Variants in PCDH15 observed in about 807,000 individuals in gnomAD.
PCDH15 encodes the protein protocadherin-15.
PCDH15 carries 129 observed loss-of-function variants against 178.5 expected under a neutral mutation model. The observed-to-expected ratio is 0.72, with a 90% CI of 0.63 to 0.84. The LOEUF (loss-of-function observed/expected upper bound fraction) is 0.84. Ranked by LOEUF, PCDH15 falls within the 40% of genes least tolerant of loss-of-function variation. The probability of loss-of-function intolerance (pLI) is 0.00; values close to 1 mark genes in which losing one functional copy is unlikely to be tolerated. For missense variants in PCDH15, 2,230 were observed against 2,099.9 expected, an observed-to-expected ratio of 1.06 and a Z score of -1.21; for synonymous variants, 800 against 732.0, an observed-to-expected ratio of 1.09 and a Z score of -1.50.
At chr10:55,090,240 T>G (rs1170764032) in intron 2 of PCDH15, among the ~76,000 whole-genome samples, 1 of 152,066 alleles carries the variant, frequency 6.6e-6, no homozygotes, top group East Asian at 1.9e-4. Context: ...TAAATTTTTA[T>G]TAGTTACTGG....
rs1839738878 is a variant in PCDH15 at position 55,463,901 on chromosome 10, GAAAGAAAGAAAGAAAGAA to G, written c.-156+163706_-156+163723del. On this transcript the variant is annotated intron_variant, in intron 2 of 5. Coordinates refer to the PCDH15 transcript ENST00000613346. Reference sequence around the variant, plus strand: ...AGAGAGAAAGAGAGGGAGAGAGAGAGAAAGAAAGAAAGAAAGAAAGAAAGAAAGAAAGAAAGAAAGAAA... The same window carrying G: ...AGAGAGAAAGAGAGGGAGAGAGAGAGAGAAAGAAAGAAAGAAAGAAAGAAA... Among the ~76,000 whole-genome samples, 11 of 10,006 alleles carry G rather than the reference GAAAGAAAGAAAGAAAGAA, an allele frequency of 1.1e-3. 1 individual carries two copies. The highest frequency in any genetic ancestry group is 2.3e-3 in the African/African-American group (11 of 4,718). The allele number at this position is 10,006 out of a possible 152,430, so 6.6% of individuals were successfully genotyped here. A position where few individuals can be genotyped will look rare whatever the true frequency, so the allele number is the denominator to read the frequency against.
chr10:53,967,692 A>G (rs1337588639), intron 21 of PCDH15, among the ~76,000 whole-genome samples: 2 of 152,174 alleles, frequency 1.3e-5, no homozygotes, highest in African/African-American at 2.4e-5. Context: ...ACTTCAAATA[A>G]TCATATTTTT....
At chr10:54,154,018 C>T (rs919935795) in intron 13 of PCDH15, among the ~76,000 whole-genome samples, 4 of 152,056 alleles carry the variant, frequency 2.6e-5, no homozygotes, top group Admixed American at 2.6e-4. Flanking sequence ...TCTGTATAGC[C>T]AATTTACATA....
rs186944084 is a variant in PCDH15, at chr10:55,012,552, A to G, written c.-79-115052T>C. Among the ~76,000 whole-genome samples the G allele has an allele frequency of 1.8e-3, 273 of 152,224 alleles. 1 individual carries two copies. The highest frequency in any genetic ancestry group is 6.5e-3 in the African/African-American group (270 of 41,570). ...CTACAGTGCCCAGTGAAAACATTCCACATCAAGGTCATCAAATGTCTTCTG... is the reference window on the plus strand; with the variant it reads ...CTACAGTGCCCAGTGAAAACATTCCGCATCAAGGTCATCAAATGTCTTCTG... On this transcript the variant is annotated intron_variant, in intron 2 of 5. Coordinates refer to the PCDH15 transcript ENST00000458638.
chr10:54,392,468 C>CAAA lies in PCDH15; in HGVS notation c.158-13529_158-13527dup, dbSNP rs71007849. On this transcript the variant is annotated intron_variant, in intron 3 of 37. Transcript: ENST00000644397. ...CTTGGGTGACAGAGTGAGGCTGTCT[C>CAAA]AAAAAAAAAAAAAAAAAAAAAAAAA... Among the ~76,000 whole-genome samples the CAAA allele has an allele frequency of 2.9e-3, 190 of 65,740 alleles. 5 individuals carry two copies. The highest frequency in any genetic ancestry group is 5.0e-3 in the East Asian group (9 of 1,804). 43.1% of individuals were successfully genotyped at this position (65,740 alleles called of 152,430 possible). A position where few individuals can be genotyped will look rare whatever the true frequency, so the allele number is the denominator to read the frequency against.
chr10:54,158,300 A>C (rs2045360392), intron 13 of PCDH15, among the ~76,000 whole-genome samples: 1 of 152,200 alleles, frequency 6.6e-6, no homozygotes. Flanking sequence ...CAATCATGGC[A>C]GAAGGTGGTA....
At chr10:55,247,468 A>C (rs2132219245) in intron 1 of PCDH15, among the ~76,000 whole-genome samples, 1 of 152,336 alleles carries the variant, frequency 6.6e-6, no homozygotes, top group East Asian at 1.9e-4. Context: ...TAAGAGAGTT[A>C]TCCAGCATGT....
intron 17 of PCDH15, among the ~76,000 whole-genome samples, chr10:54,070,299 G>A (rs772286209): frequency 2.8e-4 from 42 of 151,988 alleles, no homozygotes; most frequent in South Asian, 6.2e-4. Context: ...CGCCTCCCAG[G>A]TTTAAACAAT....
chr10:53,909,621 A>C (rs1430241101), intron 25 of PCDH15, among the ~76,000 whole-genome samples: 1 of 152,124 alleles, frequency 6.6e-6, no homozygotes, highest in Non-Finnish European at 1.5e-5. Flanking sequence ...TGCATTTCCA[A>C]CTGAGGTACC....
chr10:54,020,052 T>G, intron 20 of PCDH15, 140 bp downstream of exon 20: 1 of 709,424 alleles, frequency 1.4e-6, no homozygotes, highest in South Asian at 1.7e-5. Context: ...ATATTTCCAT[T>G]GGAAAATCTA....
chr10:54,503,667 T>A (rs577634144), intron 3 of PCDH15, among the ~76,000 whole-genome samples: 118 of 152,076 alleles, frequency 7.8e-4, no homozygotes, highest in Admixed American at 1.3e-3. Context: ...CTTTAAATCA[T>A]CAGGCTGGCA....
At chr10:54,472,273 T>C (rs1257001239) in intron 3 of PCDH15, among the ~76,000 whole-genome samples, 1 of 147,264 alleles carries the variant, frequency 6.8e-6, no homozygotes, top group Non-Finnish European at 1.5e-5. Flanking sequence ...TTGGTTGCTG[T>C]TCCAAATGTT....
At chr10:55,509,826 G>C (rs1283137454) in intron 2 of PCDH15, among the ~76,000 whole-genome samples, 2 of 151,864 alleles carry the variant, frequency 1.3e-5, no homozygotes, top group African/African-American at 2.4e-5. Flanking sequence ...TGATTCTTAA[G>C]AAACAACTGT....
chr10:55,476,784 C>T (rs74686981), intron 2 of PCDH15, among the ~76,000 whole-genome samples: 223 of 152,108 alleles, frequency 1.5e-3, no homozygotes, highest in Admixed American at 0.01. Context: ...TCCAAGCACT[C>T]TTGCATTCAA....
chr10:54,120,608 G>C (rs370069796), intron 15 of PCDH15, among the ~76,000 whole-genome samples: 5 of 151,978 alleles, frequency 3.3e-5, no homozygotes, highest in African/African-American at 1.2e-4. Context: ...TATGCAAACA[G>C]AAAAGGAAAA....
intron 1 of PCDH15, among the ~76,000 whole-genome samples, chr10:54,797,774 A>T (rs1952190465): frequency 6.6e-6 from 1 of 151,952 alleles, no homozygotes; most frequent in Non-Finnish European, 1.5e-5. Flanking sequence ...TCCTTATATT[A>T]ATAAATAGCA....
chr10:54,386,020 T>C (rs1264926536), intron 3 of PCDH15, among the ~76,000 whole-genome samples: 1 of 152,158 alleles, frequency 6.6e-6, no homozygotes, highest in African/African-American at 2.4e-5. Flanking sequence ...TTTTAGCTTA[T>C]TACTTGTTAG....
At chr10:54,257,849 T>A (rs2057033184) in intron 8 of PCDH15, among the ~76,000 whole-genome samples, 1 of 152,134 alleles carries the variant, frequency 6.6e-6, no homozygotes, top group South Asian at 2.1e-4. Context: ...GTCTTTACAT[T>A]GGAATAAGCC....
chr10:55,552,291 G>A (rs964596983), intron 2 of PCDH15, among the ~76,000 whole-genome samples: 1 of 151,454 alleles, frequency 6.6e-6, no homozygotes, highest in Non-Finnish European at 1.5e-5. Flanking sequence ...TGAGGATAAT[G>A]TTTTCATATT....
Sources: allele counts gnomAD v4.1 joint callset (sites outside exome capture counted in the v4.1 genomes callset), GRCh38; gene constraint gnomAD v4.1.1; transcripts MANE v1.5; gene names NCBI Gene and HGNC (gene_info 2026-07-23, HGNC 2026-07-21).